The following CNTN3 variants were observed in gnomAD, a reference collection of about 807,000 sequenced individuals.
The protein encoded by CNTN3 is contactin-3.
A neutral mutation model predicts 119.1 loss-of-function variants in CNTN3; 60 were observed. The observed-to-expected ratio is 0.50, with a 90% confidence interval of 0.41 to 0.62. The LOEUF (loss-of-function observed/expected upper bound fraction) is 0.62. Among genes scored for constraint, CNTN3 ranks in the 20% least tolerant of loss-of-function variants. The probability of loss-of-function intolerance (pLI) is 0.00; values close to 1 mark genes in which losing one functional copy is unlikely to be tolerated. For missense variants in CNTN3, 1,101 were observed against 1,242.4 expected (o/e 0.89, Z 1.71); for synonymous variants, 450 against 438.7 (o/e 1.03, Z -0.32).
At chr3:74,555,855 A>G (rs1217429024) in intron 1 of CNTN3, among the ~76,000 whole-genome samples, 1 of 152,106 alleles carries the variant, frequency 6.6e-6, no homozygotes, top group East Asian at 1.9e-4. Context: ...TTTTCAAAAA[A>G]CCAGCTCCTG....
At chr3:74,443,298 T>A (rs1409342448) in intron 4 of CNTN3, among the ~76,000 whole-genome samples, 1 of 152,130 alleles carries the variant, frequency 6.6e-6, no homozygotes, top group African/African-American at 2.4e-5. Context: ...ATCCTTTCCA[T>A]CTCACCACCT....
Position 74,301,786 on chromosome 3 carries a change from T to A in CNTN3, c.1806A>T (p.Glu602Asp). The A allele has an allele frequency of 1.2e-6, 2 of 1,614,052 alleles. No individual in the cohort carries two copies. Among genetic ancestry groups the A allele is most frequent in the Non-Finnish European group, 8.5e-7 (1 of 1,179,914 alleles). Residue 602 changes from glutamate to aspartate, a missense_variant, in exon 15 of 23, where the codon GAA becomes GAT. By Grantham distance (45) the Glu-to-Asp change is conservative. Coordinates refer to ENST00000263665, the MANE Select transcript of CNTN3 (RefSeq NM_020872.3). Reference sequence around the variant, plus strand: ...CTGTAATTTCATCTACCTTCACATTTTCTGGTGGTCCAGGTGAACCTAAGG... The same window carrying A: ...CTGTAATTTCATCTACCTTCACATTATCTGGTGGTCCAGGTGAACCTAAGG... ...LIVRGSPGPP[E>D]NVKVDEITDT... is the part of the protein sequence containing the mutation.
chr3:74,584,432 GA>G (rs1469178799), intron 1 of CNTN3, among the ~76,000 whole-genome samples: 11 of 152,102 alleles, frequency 7.2e-5, no homozygotes, highest in African/African-American at 2.7e-4. Flanking sequence ...GGTGCTTTAC[GA>G]ATGGTTTGGT....
At chr3:74,454,726 G>A (rs1202699900) in intron 4 of CNTN3, among the ~76,000 whole-genome samples, 1 of 151,904 alleles carries the variant, frequency 6.6e-6, no homozygotes, top group African/African-American at 2.4e-5. Context: ...AAATCTCTCA[G>A]CATTTGCTTG....
At chr3:74,493,747 G>A (rs181997145) in intron 3 of CNTN3, among the ~76,000 whole-genome samples, 266 of 152,204 alleles carry the variant, frequency 1.7e-3, no homozygotes, top group Non-Finnish European at 2.7e-3. Flanking sequence ...GAGAATAATT[G>A]CAGCCTTCGA....
At chr3:74,550,155 T>C (rs1167946977) in intron 1 of CNTN3, among the ~76,000 whole-genome samples, 9 of 152,066 alleles carry the variant, frequency 5.9e-5, no homozygotes, top group African/African-American at 2.2e-4. Context: ...TGGGTTCAAG[T>C]CAAAAATAAA....
chr3:74,302,390 A>AC (rs1223740584), intron 14 of CNTN3, among the ~76,000 whole-genome samples: 1 of 152,200 alleles, frequency 6.6e-6, no homozygotes, highest in Non-Finnish European at 1.5e-5. Context: ...AACACACTGC[A>AC]CAATATTCTC....
chr3:74,596,041 C>T (rs911482305), intron 1 of CNTN3, among the ~76,000 whole-genome samples: 3 of 151,860 alleles, frequency 2.0e-5, no homozygotes, highest in African/African-American at 7.3e-5. Context: ...TCTTATACAC[C>T]AAAAACAGAC....
chr3:74,317,666 C>T (rs1559543229), intron 13 of CNTN3, among the ~76,000 whole-genome samples: 1 of 152,138 alleles, frequency 6.6e-6, no homozygotes, highest in Non-Finnish European at 1.5e-5. Context: ...AATATTGGCC[C>T]CCACTATCTT....
At chr3:74,587,992 T>A (rs1482369189) in intron 1 of CNTN3, among the ~76,000 whole-genome samples, 1 of 151,572 alleles carries the variant, frequency 6.6e-6, no homozygotes, top group Non-Finnish European at 1.5e-5. Context: ...TTATTGAGAG[T>A]TTTTAGCATG....
In CNTN3 at chr3:74,440,549, C is replaced by T. The variant is rs552236701; in HGVS notation, c.359-15609G>A. On this transcript the variant is annotated intron_variant, in intron 4 of 22. Coordinates refer to ENST00000263665, the MANE Select transcript of CNTN3 (RefSeq NM_020872.3). The stretch of plus-strand genomic sequence containing the variant: ...TGTAGAGAAATGCATGTACAGTTAG[C>T]CTTCTGTATCCATAGGTTCCCCATT... Among the ~76,000 whole-genome samples, 3 of 151,324 alleles carry T rather than the reference C, an allele frequency of 2.0e-5. No homozygotes were observed. In the South Asian group the frequency reaches 6.3e-4, roughly 32 times the overall value.
chr3:74,538,870 G>A (rs1703801294), intron 1 of CNTN3, among the ~76,000 whole-genome samples: 1 of 152,002 alleles, frequency 6.6e-6, no homozygotes, highest in Non-Finnish European at 1.5e-5. Context: ...ATTCCAGGTT[G>A]ATATTTAGCC....
chr3:74,410,664 T>A (rs556753667), intron 5 of CNTN3, among the ~76,000 whole-genome samples: 1 of 152,314 alleles, frequency 6.6e-6, no homozygotes, highest in East Asian at 1.9e-4. Context: ...CAATATGTTT[T>A]GGCAGTAGAG....
At position 74,301,753 on chromosome 3, in the gene CNTN3, T is replaced by C. The variant is rs1230089771; in HGVS notation, c.1839A>G (p.Thr613=). 1 of 1,614,150 alleles carries C rather than the reference T, an allele frequency of 6.2e-7. No individual in the cohort carries two copies. Among genetic ancestry groups the C allele is most frequent in the South Asian group, 1.1e-5 (1 of 91,088 alleles). ...NVKVDEITDT[T]AQLSWKEGKD... ...TACCTTCTTTCCAAGAGAGTTGGGCTGTTGTGTCTGTAATTTCATCTACCT... is the reference window on the plus strand; with the variant it reads ...TACCTTCTTTCCAAGAGAGTTGGGCCGTTGTGTCTGTAATTTCATCTACCT... Residue 613 remains threonine (T), a synonymous_variant, in exon 15 of 23, where the codon ACA becomes ACG. Coordinates refer to ENST00000263665, the MANE Select transcript of CNTN3 (RefSeq NM_020872.3).
At chr3:74,295,701 C>T (rs564146409) in intron 18 of CNTN3, among the ~76,000 whole-genome samples, 47 of 152,266 alleles carry the variant, frequency 3.1e-4, no homozygotes, top group African/African-American at 1.1e-3. Context: ...ACAGAGACAA[C>T]TGAAATGTGG....
intron 1 of CNTN3, among the ~76,000 whole-genome samples, chr3:74,603,090 C>T (rs1704937793): frequency 6.6e-6 from 1 of 152,142 alleles, no homozygotes; most frequent in Admixed American, 6.5e-5. Context: ...GGCTACCTCT[C>T]TTGATCTCAT....
intron 4 of CNTN3, among the ~76,000 whole-genome samples, chr3:74,435,458 T>A (rs938638165): frequency 6.6e-6 from 1 of 152,178 alleles, no homozygotes; most frequent in African/African-American, 2.4e-5. Context: ...ATTACAGGCA[T>A]GAGCCACCAC....
intron 5 of CNTN3, among the ~76,000 whole-genome samples, chr3:74,374,324 A>G (rs1481282818): frequency 6.7e-6 from 1 of 149,688 alleles, no homozygotes. Flanking sequence ...GTTTCTTTTT[A>G]TAAGTCTGAT....
chr3:74,342,968 A>G (rs1371838009), intron 11 of CNTN3, among the ~76,000 whole-genome samples: 3 of 152,224 alleles, frequency 2.0e-5, no homozygotes, highest in Non-Finnish European at 4.4e-5. Context: ...CAAATGAGAC[A>G]AATAATTCTC....
Sources: allele counts gnomAD v4.1 joint callset (sites outside exome capture counted in the v4.1 genomes callset), GRCh38; gene constraint gnomAD v4.1.1; transcripts MANE v1.5; gene names NCBI Gene and HGNC (gene_info 2026-07-23, HGNC 2026-07-21).